COMMD10: variants seen among roughly 807,000 people sequenced by gnomAD.
COMMD10 encodes COMM domain containing 10.
In COMMD10, 33 loss-of-function variants were observed where a neutral mutation model predicts 28.9. That is an observed-to-expected ratio of 1.14 (90% CI 0.87 to 1.53). The LOEUF is 1.53. COMMD10 is among the 40% of genes most tolerant of loss of function. The pLI is 0.00. For missense variants in COMMD10, 310 were observed against 233.4 expected (o/e 1.33, Z -2.14); for synonymous variants, 110 against 81.7 (o/e 1.35, Z -1.87).
chr5:116,269,284 A>T (rs1220487219), intron 5 of COMMD10, among the ~76,000 whole-genome samples: 1 of 151,790 alleles, frequency 6.6e-6, no homozygotes, highest in African/African-American at 2.4e-5. Context: ...TTTCTAGAGG[A>T]AAGATTTTCT....
At chr5:116,267,219 C>T (rs1021710146) in intron 5 of COMMD10, among the ~76,000 whole-genome samples, 19 of 151,918 alleles carry the variant, frequency 1.3e-4, no homozygotes, top group Non-Finnish European at 2.6e-4. Flanking sequence ...AGCCCAAAAT[C>T]TCCTTAAGCT....
chr5:116,167,456 C>G (rs1043260700), intron 5 of COMMD10, among the ~76,000 whole-genome samples: 6 of 152,088 alleles, frequency 3.9e-5, no homozygotes, highest in Non-Finnish European at 5.9e-5. Context: ...CCCAACCTAG[C>G]AAGACAGGAC....
At chr5:116,268,080 A>C (rs934255190) in intron 5 of COMMD10, among the ~76,000 whole-genome samples, 6 of 151,896 alleles carry the variant, frequency 4.0e-5, no homozygotes, top group Admixed American at 3.9e-4. Context: ...AATGGTAACA[A>C]AAGCCAAAAT....
chr5:116,249,312 T>A (rs1161679933), intron 5 of COMMD10, among the ~76,000 whole-genome samples: 2 of 151,978 alleles, frequency 1.3e-5, no homozygotes, highest in Admixed American at 1.3e-4. Flanking sequence ...TTCGAATCTT[T>A]CATCTGTTGG....
At chr5:116,240,359 C>T (rs1749780163) in intron 5 of COMMD10, among the ~76,000 whole-genome samples, 1 of 152,198 alleles carries the variant, frequency 6.6e-6, no homozygotes, top group African/African-American at 2.4e-5. Context: ...ATACAGCAAT[C>T]TCCTCCTGAA....
intron 5 of COMMD10, among the ~76,000 whole-genome samples, chr5:116,155,421 CTGTT>C (rs1001764480): frequency 1.3e-5 from 2 of 152,036 alleles, no homozygotes; most frequent in Admixed American, 6.6e-5. Context: ...AGTCTCCTGT[CTGTT>C]TCCATTTTCT....
At chr5:116,287,692 A>G (rs1342291926) in intron 5 of COMMD10, among the ~76,000 whole-genome samples, 4 of 150,680 alleles carry the variant, frequency 2.7e-5, no homozygotes, top group African/African-American at 9.8e-5. Flanking sequence ...TTCTAGTGGT[A>G]TGCTTTCATT....
At chr5:116,126,631 A>G (rs906081445) in intron 4 of COMMD10, among the ~76,000 whole-genome samples, 4 of 151,710 alleles carry the variant, frequency 2.6e-5, no homozygotes, top group African/African-American at 7.3e-5. Context: ...CACATCTACA[A>G]CCATCTGATC....
intron 5 of COMMD10, among the ~76,000 whole-genome samples, chr5:116,288,725 C>T (rs1214558311): frequency 6.6e-6 from 1 of 151,626 alleles, no homozygotes; most frequent in East Asian, 1.9e-4. Context: ...TTGAATACCT[C>T]TAATAAGTTT....
At chr5:116,088,569 A>G (rs1750198484) in intron 2 of COMMD10, among the ~76,000 whole-genome samples, 1 of 152,226 alleles carries the variant, frequency 6.6e-6, no homozygotes, top group African/African-American at 2.4e-5. Flanking sequence ...CCATTGTAGT[A>G]TGGCTGCAGT....
chr5:116,272,399 C>T (rs1750784452), intron 5 of COMMD10, among the ~76,000 whole-genome samples: 4 of 151,852 alleles, frequency 2.6e-5, no homozygotes, highest in Non-Finnish European at 4.4e-5. Context: ...TGGAGGAGGA[C>T]TCTAGTGAAG....
chr5:116,213,371 T>TCTCA (rs1358194040), intron 5 of COMMD10, among the ~76,000 whole-genome samples: 3 of 152,214 alleles, frequency 2.0e-5, no homozygotes, highest in African/African-American at 7.2e-5. Flanking sequence ...CACATGTGGG[T>TCTCA]CTCAGCAAAA....
intron 4 of COMMD10, among the ~76,000 whole-genome samples, chr5:116,108,287 C>T (rs1426364930): frequency 1.3e-5 from 2 of 152,228 alleles, no homozygotes; most frequent in Non-Finnish European, 2.9e-5. Flanking sequence ...CACCCCTTTC[C>T]CCAGGTGCTC....
intron 4 of COMMD10, among the ~76,000 whole-genome samples, chr5:116,128,389 T>C (rs1486968052): frequency 6.6e-6 from 1 of 152,152 alleles, no homozygotes; most frequent in East Asian, 1.9e-4. Flanking sequence ...ATTTTGATCA[T>C]ATTTAAACCT....
intron 5 of COMMD10, among the ~76,000 whole-genome samples, chr5:116,178,444 T>A (rs998049473): frequency 2.6e-5 from 4 of 152,130 alleles, no homozygotes; most frequent in African/African-American, 9.7e-5. Flanking sequence ...TATTATAAAG[T>A]TACTATCAAA....
At chr5:116,163,896 G>T (rs1267790944) in intron 5 of COMMD10, among the ~76,000 whole-genome samples, 1 of 152,028 alleles carries the variant, frequency 6.6e-6, no homozygotes, top group East Asian at 1.9e-4. Context: ...TATATTTTTG[G>T]TTTTGTCTTG....
At chr5:116,136,759 T>G (rs1202473840) in intron 5 of COMMD10, among the ~76,000 whole-genome samples, 2 of 152,164 alleles carry the variant, frequency 1.3e-5, no homozygotes, top group African/African-American at 4.8e-5. Flanking sequence ...AGATTTTGGA[T>G]AGATGCATAT....
At chr5:116,216,943 C>T (rs1221804634) in intron 5 of COMMD10, among the ~76,000 whole-genome samples, 3 of 151,474 alleles carry the variant, frequency 2.0e-5, no homozygotes, top group African/African-American at 7.3e-5. Flanking sequence ...TATTTTTAGT[C>T]CAAAAAAAGA....
chr5:116,262,476 T>C (rs889286378), intron 5 of COMMD10, among the ~76,000 whole-genome samples: 1 of 151,726 alleles, frequency 6.6e-6, no homozygotes, highest in Non-Finnish European at 1.5e-5. Flanking sequence ...TTACCAATAC[T>C]ATACCAAGAC....
Sources: allele counts gnomAD v4.1 joint callset (sites outside exome capture counted in the v4.1 genomes callset), GRCh38; gene constraint gnomAD v4.1.1; transcripts MANE v1.5; gene names NCBI Gene and HGNC (gene_info 2026-07-23, HGNC 2026-07-21).